The following IKBKB variants were observed in gnomAD, a reference collection of about 807,000 sequenced individuals.
The protein encoded by IKBKB is inhibitor of nuclear factor kappa-B kinase subunit beta.
Under a neutral mutation model 113.6 loss-of-function variants are expected in IKBKB, and 42 were observed. That is an observed-to-expected ratio of 0.37 (90% CI 0.29 to 0.48). The LOEUF (loss-of-function observed/expected upper bound fraction) is 0.48. IKBKB is among the 20% of genes least tolerant of loss of function. IKBKB has a pLI of 0.99. For synonymous variants in IKBKB, 296 were observed against 361.3 expected (o/e 0.82, Z 2.05); for missense variants, 673 against 939.7 (o/e 0.72, Z 3.71).
At chr8:42,319,843 C>T in intron 15 of IKBKB, 197 bp downstream of exon 15, 1 of 547,952 alleles carries the variant, frequency 1.8e-6, no homozygotes, top group South Asian at 2.8e-5. Flanking sequence ...TGGCCAGATG[C>T]AAGAGCTGCA....
chr8:42,305,358 T>C, intron 6 of IKBKB, 83 bp downstream of exon 6: 1 of 776,288 alleles, frequency 1.3e-6, no homozygotes, highest in Non-Finnish European at 2.3e-6. Context: ...ACTCTGCATA[T>C]TTGTGTGTAT....
chr8:42,298,453 T>C (rs1814384693), intron 5 of IKBKB: 1 of 985,318 alleles, frequency 1.0e-6, no homozygotes, highest in South Asian at 4.7e-5. Context: ...CATTTGGCTT[T>C]GGGGAAGAGA....
At chr8:42,280,669 A>G (rs1035733527) in intron 2 of IKBKB, among the ~76,000 whole-genome samples, 1 of 152,120 alleles carries the variant, frequency 6.6e-6, no homozygotes, top group African/African-American at 2.4e-5. Flanking sequence ...CACCCAGGGT[A>G]CCTTGTGATA....
Position 42,318,604 on chromosome 8 carries a change from C to T in IKBKB, c.1293C>T (p.Gly431=). 6.2e-7 allele frequency: 1 copy of T among 1,613,948 alleles called. No individual in the cohort carries two copies. The highest frequency in any genetic ancestry group is 8.5e-7 in the Non-Finnish European group (1 of 1,179,816). The change falls in exon 13 of 22, where the codon GGC becomes GGT. Residue 431 remains glycine (G), a synonymous_variant. Transcript: ENST00000520810. Reference sequence around the variant, plus strand: ...TCTTCCAGCTGAGGAAGGTGTGGGGCCAGGTCTGGCACAGCATCCAGACCC... The same window carrying T: ...TCTTCCAGCTGAGGAAGGTGTGGGGTCAGGTCTGGCACAGCATCCAGACCC... ...LAFFQLRKVW[G]QVWHSIQTLK... is the part of the protein sequence containing the mutation.
rs768616554 is a variant in IKBKB, at chr8:42,318,562, CA to C, written c.1253del (p.Lys418ArgfsTer9). 6.2e-7 allele frequency: 1 copy of C among 1,613,784 alleles called. No homozygotes were observed. On this transcript the variant is annotated frameshift_variant, in exon 13 of 22. Coordinates refer to ENST00000520810, the MANE Select transcript of IKBKB (RefSeq NM_001556.3). LOFTEE classifies it high-confidence loss of function. ...TGTCTCTGTCTCCAGTTCAAGAGCC[CA>C]AGAGGAATCTCGCCTTCTTCCAGCT... ...ESVSCILQEPKRNLAFFQLRK... is the reference protein window; with the variant it reads ...ESVSCILQEPXRNLAFFQLRK...
chr8:42,290,557 G>A (rs1215583067), intron 4 of IKBKB, among the ~76,000 whole-genome samples: 1 of 152,166 alleles, frequency 6.6e-6, no homozygotes, highest in African/African-American at 2.4e-5. Context: ...CACAGGTCTG[G>A]GCGTGGGGAA....
chr8:42,286,946 C>G (rs1443804379), intron 2 of IKBKB, among the ~76,000 whole-genome samples: 1 of 152,134 alleles, frequency 6.6e-6, no homozygotes, highest in Non-Finnish European at 1.5e-5. Context: ...TGTAGGTACA[C>G]AGGAGGTGCA....
chr8:42,283,398 A>C (rs932609825), intron 2 of IKBKB, among the ~76,000 whole-genome samples: 6 of 152,120 alleles, frequency 3.9e-5, no homozygotes, highest in Non-Finnish European at 7.3e-5. Flanking sequence ...GATGAAATTA[A>C]GTTTTCTAAT....
intron 7 of IKBKB, among the ~76,000 whole-genome samples, chr8:42,307,988 C>T (rs999098023): frequency 1.3e-5 from 2 of 152,230 alleles, no homozygotes; most frequent in African/African-American, 4.8e-5. Flanking sequence ...CCCCAGCACC[C>T]CGTGCTGCCG....
intron 5 of IKBKB, among the ~76,000 whole-genome samples, chr8:42,303,092 T>TGAGAGAGA (rs763171765): frequency 3.8e-4 from 27 of 70,132 alleles, no homozygotes; most frequent in Non-Finnish European, 6.4e-4. Context: ...AGAGAGAGAA[T>TGAGAGAGA]GAGAGAGAGA....
intron 5 of IKBKB, chr8:42,297,984 C>A: frequency 3.9e-6 from 2 of 508,636 alleles, no homozygotes; most frequent in Non-Finnish European, 5.1e-6. Flanking sequence ...GCCAGACCAT[C>A]ACTCCATGCT....
chr8:42,298,095 C>G lies in IKBKB; in HGVS notation c.388+4583C>G, dbSNP rs1814286008. 7.1e-6 allele frequency: 7 copies of G among 985,266 alleles called. No individual in the cohort carries two copies. In the South Asian group the frequency reaches 2.3e-4, roughly 33 times the overall value. The allele number at this position is 985,266 out of a possible 1,614,324, so 61.0% of individuals were successfully genotyped here. The stretch of plus-strand genomic sequence containing the variant: ...CAAGGAAGTTATATGTGAGTGGACT[C>G]TATTTAAACAGTCTTGCTCATTATC... On this transcript the variant is annotated intron_variant, in intron 5 of 21. Transcript: ENST00000520810.
At chr8:42,320,356 C>T (rs537675020) in intron 15 of IKBKB, 16 of 189,608 alleles carry the variant, frequency 8.4e-5, no homozygotes, top group Middle Eastern at 2.4e-3. Context: ...CCTCCCTGCC[C>T]GGGTAGCATC....
chr8:42,277,385 G>A (rs1359575624), intron 2 of IKBKB, among the ~76,000 whole-genome samples: 1 of 151,850 alleles, frequency 6.6e-6, no homozygotes, highest in Non-Finnish European at 1.5e-5. Flanking sequence ...GTTTCACCAT[G>A]CTGGCCAGGC....
Position 42,316,736 on chromosome 8 carries a change from G to C in IKBKB, c.957G>C (p.Thr319=), listed in dbSNP as rs70958392. ...TGGTTCATATCTTGAACATGGTCAC[G>C]GGCACCATCCACACCTACCCTGTGA... ...LKLVHILNMV[T]GTIHTYPVTE... is the part of the protein sequence containing the mutation. Residue 319 remains threonine (T), a synonymous_variant, in exon 11 of 22, where the codon ACG becomes ACC. Transcript: ENST00000520810. The surrounding 1 kb of genome is among the most constrained non-coding windows in gnomAD (Gnocchi z 4.5). The C allele has an allele frequency of 6.2e-7, 1 of 1,613,396 alleles. No homozygotes were observed. Among genetic ancestry groups the C allele is most frequent in the Non-Finnish European group, 8.5e-7 (1 of 1,179,500 alleles).
rs959708209 is a variant in IKBKB, at chr8:42,322,560, A to G, written c.1986+66A>G. 39 of 1,552,744 alleles carry G rather than the reference A, an allele frequency of 2.5e-5. No homozygotes were observed. The African/African-American group carries it at 2.9e-4, about 11-fold the overall frequency. ...CTCCTGTGCCTTTCCACCTCTGTGC[A>G]CTGCCGCCATCCCACACGGGACACC... is the stretch of plus-strand genomic sequence containing the variant. On this transcript the variant is annotated intron_variant, in intron 19 of 21. Transcript: ENST00000520810.
In IKBKB at chr8:42,305,345, C is replaced by T. The variant is rs1313823931; in HGVS notation, c.477+70C>T. 1.2e-4 allele frequency: 106 copies of T among 875,916 alleles called. 1 individual carries two copies. In the South Asian group the frequency reaches 1.3e-3, roughly 11 times the overall value. The allele number at this position is 875,916 out of a possible 1,614,324, so 54.3% of individuals were successfully genotyped here. ...GGGAAGTGGCCTGGGAGGAAAGGAG[C>T]ACACTCTGCATATTTGTGTGTATTT... On this transcript the variant is annotated intron_variant, in intron 6 of 21. Transcript: ENST00000520810.
chr8:42,297,073 T>C (rs1814018924), intron 5 of IKBKB, among the ~76,000 whole-genome samples: 1 of 152,230 alleles, frequency 6.6e-6, no homozygotes, highest in African/African-American at 2.4e-5. Context: ...GGGTGCCTTC[T>C]GAGACTCCCA....
rs563498142 is a variant in IKBKB, at chr8:42,293,864, T to C, written c.388+352T>C. On this transcript the variant is annotated intron_variant, in intron 5 of 21. Transcript: ENST00000520810. Reference sequence around the variant, plus strand: ...TCGAATGAGTTTTGTCCCTTGGCAGTGAATTTTTCCGCTCCCACGTAGGCA... The same window carrying C: ...TCGAATGAGTTTTGTCCCTTGGCAGCGAATTTTTCCGCTCCCACGTAGGCA... 1.6e-4 allele frequency among the ~76,000 whole-genome samples: 25 copies of C among 152,346 alleles called. No individual in the cohort carries two copies. In the South Asian group the frequency reaches 5.2e-3, roughly 32 times the overall value.
Sources: allele counts gnomAD v4.1 joint callset (sites outside exome capture counted in the v4.1 genomes callset), GRCh38; gene constraint gnomAD v4.1.1; non-coding constraint Gnocchi (gnomAD v3.1); transcripts MANE v1.5; gene names NCBI Gene and HGNC (gene_info 2026-07-23, HGNC 2026-07-21).